Variants in FASN observed in about 807,000 individuals in gnomAD.
FASN encodes 3-hydroxyacyl-[acyl-carrier-protein] dehydratase.
Under a neutral mutation model 250.0 loss-of-function variants are expected in FASN, and 50 were observed. That is an observed-to-expected ratio of 0.20 (90% confidence interval 0.16 to 0.25). The LOEUF (loss-of-function observed/expected upper bound fraction) is 0.25. FASN is among the 10% of genes least tolerant of loss of function. The pLI is 1.00. For missense variants in FASN, 3,031 were observed against 3,498.5 expected, an observed-to-expected ratio of 0.87 and a Z score of 3.37; for synonymous variants, 1,909 against 1,584.0, an observed-to-expected ratio of 1.21 and a Z score of -4.87.
In FASN at chr17:82,085,469, C is replaced by T. The variant is rs775191125; in HGVS notation, c.4122+13G>A. Reference sequence around the variant, plus strand: ...CCCGGCCCCCACCCTGTCCCCCTGCCCGGCGGCCGCACCTGGCTCAGGATG... The same window carrying T: ...CCCGGCCCCCACCCTGTCCCCCTGCTCGGCGGCCGCACCTGGCTCAGGATG... On this transcript the variant is annotated intron_variant, in intron 23 of 42. Transcript: ENST00000306749. 3.1e-6 allele frequency: 5 copies of T among 1,589,980 alleles called. No individual in the cohort carries two copies. The highest frequency in any genetic ancestry group is 4.3e-6 in the Non-Finnish European group (5 of 1,169,226).
chr17:82,091,560 C>T lies in FASN; in HGVS notation c.1154G>A (p.Gly385Asp). The T allele has an allele frequency of 6.3e-7, 1 of 1,592,730 alleles. No homozygotes were observed. The highest frequency in any genetic ancestry group is 2.3e-5 in the East Asian group (1 of 43,756). Residue 385 changes from glycine (G) to aspartate (D), a missense_variant, in exon 9 of 43, where the codon GGC becomes GAC. By Grantham distance (94) the Gly-to-Asp change is moderately conservative. Transcript: ENST00000306749. ...QVVDQPLPVR[G>D]GNVGINSFGF... ...AAAGGAGTTGATGCCCACGTTGCCG[C>T]CACGGACGGGCAGGGGCTGGTCCAC...
chr17:82,093,306 C>T lies in FASN; in HGVS notation c.568G>A (p.Val190Ile), dbSNP rs766886752. The T allele has an allele frequency of 6.3e-6, 10 of 1,599,290 alleles. No homozygotes were observed. The South Asian group carries it at 7.9e-5, about 13-fold the overall frequency. The change falls in exon 5 of 43, where the codon GTC (valine) becomes ATC (isoleucine). Residue 190 changes from valine to isoleucine, a missense_variant. Transcript: ENST00000306749. ...ACGGAGGTGTTGGGCTTCAGCAGGACATTGATGCCCCCCACGATGGCGGCA... is the reference window on the plus strand; with the variant it reads ...ACGGAGGTGTTGGGCTTCAGCAGGATATTGATGCCCCCCACGATGGCGGCA... ...CPAAIVGGIN[V>I]LLKPNTSVQF...
At position 82,083,402 on chromosome 17, in the gene FASN, C is replaced by T. The variant is rs749615473; in HGVS notation, c.5365G>A (p.Val1789Met). 14 of 1,612,656 alleles carry T rather than the reference C, an allele frequency of 8.7e-6. No homozygotes were observed. The highest frequency in any genetic ancestry group is 4.0e-5 in the African/African-American group (3 of 74,946). The change falls in exon 32 of 43, where the codon GTG becomes ATG. Residue 1789 changes from valine (V) to methionine (M), a missense_variant. Transcript: ENST00000306749. The part of the protein sequence containing the change: ...PLGMAIFLKN[V>M]TFHGVLLDAF... ...TCCAGTAGGACCCCGTGGAATGTCA[C>T]GTTCTTCAGGAAGATAGCCATGCCT...
intron 37 of FASN, 78 bp downstream of exon 37, chr17:82,081,523 G>T: frequency 1.2e-6 from 2 of 1,600,392 alleles, no homozygotes; most frequent in African/African-American, 2.7e-5. Flanking sequence ...GAGGCGCACA[G>T]GGGCACGACT....
In FASN at chr17:82,084,882, T is replaced by A; in HGVS notation, c.4481A>T (p.Gln1494Leu). The A allele has an allele frequency of 6.4e-7, 1 of 1,550,814 alleles. No homozygotes were observed. Among genetic ancestry groups the A allele is most frequent in the Non-Finnish European group, 8.7e-7 (1 of 1,147,178 alleles). Residue 1494 changes from glutamine to leucine, a missense_variant, in exon 26 of 43, where the codon CAG (glutamine) becomes CTG (leucine). Gln to Leu is a moderately radical substitution (Grantham distance 113). Coordinates refer to ENST00000306749, the MANE Select transcript of FASN (RefSeq NM_004104.5). ...CACCAGGTCTCCCTGCAACACCTTC[T>A]GCAGTTCTGCGGAGCCCGGGTCCAC... ...PEVDPGSAEL[Q>L]KVLQGDLVMN...
At chr17:82,090,263 GC>G in intron 11 of FASN, 111 bp downstream of exon 11, 1 of 1,098,064 alleles carries the variant, frequency 9.1e-7, no homozygotes, top group Non-Finnish European at 1.3e-6. Flanking sequence ...CCCCGGGCCA[GC>G]GGGGGCCACT....
Position 82,098,102 on chromosome 17 carries a change from C to T in FASN, c.-8+19G>A. On this transcript the variant is annotated intron_variant, in intron 1 of 42. Transcript: ENST00000306749. Reference sequence around the variant, plus strand: ...CCGACCACGACCCGCGCCCCGGCCCCAGCGCCGGCTGCTCGTACCTGGTGA... The same window carrying T: ...CCGACCACGACCCGCGCCCCGGCCCTAGCGCCGGCTGCTCGTACCTGGTGA... 6.0e-6 allele frequency: 2 copies of T among 335,338 alleles called. No homozygotes were observed. The highest frequency in any genetic ancestry group is 1.1e-5 in the Non-Finnish European group (2 of 184,776). 20.8% of individuals were successfully genotyped at this position (335,338 alleles called of 1,614,324 possible).
chr17:82,085,165 G>A lies in FASN; in HGVS notation c.4288-9C>T, dbSNP rs1332568777. 5.0e-6 allele frequency: 8 copies of A among 1,612,526 alleles called. No homozygotes were observed. The highest frequency in any genetic ancestry group is 1.1e-5 in the South Asian group (1 of 91,092). Reference sequence around the variant, plus strand: ...TCGTCAGCCAGGATGCCCTACAGCGGGTCGGGGAGGGTCAGGCCACACTCG... The same window carrying A: ...TCGTCAGCCAGGATGCCCTACAGCGAGTCGGGGAGGGTCAGGCCACACTCG... On this transcript the variant is annotated splice_polypyrimidine_tract_variant and intron_variant, in intron 24 of 42. Transcript: ENST00000306749.
rs1422427988 is a variant in FASN at position 82,083,631 on chromosome 17, G to A, written c.5227C>T (p.Leu1743=). The change falls in exon 31 of 43, where the codon CTG becomes TTG. Residue 1743 remains leucine, a synonymous_variant. Coordinates refer to ENST00000306749, the MANE Select transcript of FASN (RefSeq NM_004104.5). ...TCTTCCGCCAAGGAGTTCAAGACCA[G>A]GTCAACGCCTAGGGGGCCAGAGGGG... The part of the protein sequence containing the change: ...LWHTGGKGVD[L]VLNSLAEEKL... The A allele has an allele frequency of 6.2e-7, 1 of 1,608,926 alleles. No individual in the cohort carries two copies.
At position 82,088,285 on chromosome 17, in the gene FASN, G is replaced by A; in HGVS notation, c.2616C>T (p.Asp872=). The A allele has an allele frequency of 1.2e-6, 2 of 1,606,424 alleles. No homozygotes were observed. The highest frequency in any genetic ancestry group is 1.7e-6 in the Non-Finnish European group (2 of 1,179,944). The change falls in exon 17 of 43, where the codon GAC becomes GAT. Residue 872 remains aspartate, a synonymous_variant. Transcript: ENST00000306749. ...CGAGGGTGTGGTCCACCAGGTAGTG[G>A]TCAGGAGACTCGGAGCTGGTGTCTG... is the stretch of plus-strand genomic sequence containing the variant. The part of the protein sequence containing the change: ...YNIDTSSESP[D]HYLVDHTLDG...
At chr17:82,086,722 T>C (rs1050244098) in intron 21 of FASN, among the ~76,000 whole-genome samples, 164 bp from the exon 22 acceptor site, 1 of 152,224 alleles carries the variant, frequency 6.6e-6, no homozygotes, top group Non-Finnish European at 1.5e-5. Context: ...ACTGGGAGGC[T>C]GACTCCTGCC....
rs975189831 is a variant in FASN at position 82,088,788 on chromosome 17, G to A, written c.2393C>T (p.Ala798Val). 3.1e-6 allele frequency: 5 copies of A among 1,612,268 alleles called. No homozygotes were observed. Among genetic ancestry groups the A allele is most frequent in the Admixed American group, 1.7e-5 (1 of 60,000 alleles). The change falls in exon 15 of 43, where the codon GCC becomes GTC. Residue 798 changes from alanine (A) to valine (V), a missense_variant. Physicochemically the swap from Ala to Val is moderately conservative, Grantham distance 64. Transcript: ENST00000306749. ...DHRDNLEFFL[A>V]GIGRLHLSGI... ...TGAGAGGTGCAGCCTGCCGATGCCG[G>A]CCAGGAAGAACTCCAGGTTGTCCCT... is the stretch of plus-strand genomic sequence containing the variant.
rs1568109063 is a variant in FASN at position 82,085,024 on chromosome 17, C to T, written c.4409+11G>A. 22 of 1,603,794 alleles carry T rather than the reference C, an allele frequency of 1.4e-5. No homozygotes were observed. Among genetic ancestry groups the T allele is most frequent in the Middle Eastern group, 1.6e-4 (1 of 6,068 alleles). On this transcript the variant is annotated intron_variant, in intron 25 of 42. Transcript: ENST00000306749. The stretch of plus-strand genomic sequence containing the variant: ...TGGGGAAGGGGAAGTGGTGAGGGGC[C>T]GTGCTCCTACCGGAGGCGGTTCCCG...
Position 82,081,731 on chromosome 17 carries a change from C to G in FASN, c.6276G>C (p.Leu2092=). 5 of 1,612,752 alleles carry G rather than the reference C, an allele frequency of 3.1e-6. No homozygotes were observed. Among genetic ancestry groups the G allele is most frequent in the Non-Finnish European group, 4.2e-6 (5 of 1,180,006 alleles). ...GTLPQRMASC[L]EVLDLFLNQP... ...GGTTCAGGAAGAGGTCCAGCACCTCCAGGCAGGACGCCATGCGCTGGGGCA... is the reference window on the plus strand; with the variant it reads ...GGTTCAGGAAGAGGTCCAGCACCTCGAGGCAGGACGCCATGCGCTGGGGCA... The change falls in exon 37 of 43, where the codon CTG becomes CTC. Residue 2092 remains leucine, a synonymous_variant. Transcript: ENST00000306749.
At chr17:82,088,083 C>T (rs981715445) in intron 17 of FASN, 33 bp downstream of exon 17, 2 of 1,612,680 alleles carry the variant, frequency 1.2e-6, no homozygotes, top group Non-Finnish European at 1.7e-6. Flanking sequence ...CGCCCCCCAG[C>T]TACCCCCGCC....
chr17:82,087,309 GCTGGGGCGGGGCTA>G lies in FASN; in HGVS notation c.3223+2_3223+15del, dbSNP rs775689512. 1.2e-6 allele frequency: 2 copies of G among 1,609,664 alleles called. No individual in the cohort carries two copies. The highest frequency in any genetic ancestry group is 2.2e-5 in the South Asian group (2 of 90,906). On this transcript the variant is annotated splice_donor_variant and splice_donor_5th_base_variant and intron_variant, in intron 20 of 42. Transcript: ENST00000306749. LOFTEE classifies it high-confidence loss of function. ...ACTTGGGTGGGGGCACTGGGCTGGG[GCTGGGGCGGGGCTA>G]CCTTGGGCCTTGTCCTGCAGTGTGT...
intron 19 of FASN, 31 bp downstream of exon 19, chr17:82,087,654 T>C (rs1418206960): frequency 1.4e-5 from 23 of 1,608,436 alleles, no homozygotes; most frequent in Non-Finnish European, 1.8e-5. Flanking sequence ...CCCTCCCCGG[T>C]GGCTTGGGCA....
chr17:82,087,793 G>A lies in FASN; in HGVS notation c.2935C>T (p.Pro979Ser). The change falls in exon 19 of 43, where the codon CCC (proline) becomes TCC (serine). Residue 979 changes from proline (P) to serine (S), a missense_variant. By Grantham distance (74) the Pro-to-Ser change is moderately conservative. Transcript: ENST00000306749. ...TGGGCCAGGAAGAGGGGCTCCGTGG[G>A]GTTGGGGGTGGGGCTTTCCGGGTGG... ...FDHPESPTPN[P>S]TEPLFLAQAE... 1 of 1,612,650 alleles carries A rather than the reference G, an allele frequency of 6.2e-7. No individual in the cohort carries two copies. Among genetic ancestry groups the A allele is most frequent in the African/African-American group, 1.3e-5 (1 of 75,048 alleles).
intron 38 of FASN, 103 bp downstream of exon 38, chr17:82,081,061 C>T (rs1015856474): frequency 2.8e-5 from 40 of 1,445,178 alleles, no homozygotes; most frequent in Admixed American, 2.2e-4. Flanking sequence ...GAATGGCACC[C>T]GTGACGAAGG....
Sources: gnomAD v4.1 joint callset for allele counts (sites outside exome capture counted in the v4.1 genomes callset) on GRCh38, gnomAD v4.1.1 for gene constraint, MANE v1.5 for transcripts, NCBI Gene and HGNC (gene_info 2026-07-23, HGNC 2026-07-21) for gene names.